Variants in CD163L1 observed in about 807,000 individuals in gnomAD.
CD163L1 encodes the protein scavenger receptor cysteine-rich type 1 protein M160.
A neutral mutation model predicts 165.4 loss-of-function variants in CD163L1; 124 were observed. The ratio of observed to expected loss-of-function variants is 0.75; its 90% CI spans 0.65 to 0.87. The LOEUF is 0.87. Ranked by LOEUF, CD163L1 falls within the 40% of genes least tolerant of loss-of-function variation. CD163L1 has a pLI of 0.00. For missense variants in CD163L1, 1,525 were observed against 1,799.9 expected, an observed-to-expected ratio of 0.85 and a Z score of 2.76; for synonymous variants, 585 against 662.2, an observed-to-expected ratio of 0.88 and a Z score of 1.79.
chr12:7,354,891 G>A (rs1946743150), downstream of CD163L1: 1 of 152,120 alleles, frequency 6.6e-6, no homozygotes, highest in South Asian at 2.1e-4. Context: ...CCATTACATT[G>A]GCAGTTAGGA....
rs766557093 is a variant in CD163L1 at position 7,432,622 on chromosome 12, T to A, written c.560A>T (p.Asn187Ile). ...GTICDDGWNLNTAAVVCRQLG... is the reference protein window; with the variant it reads ...GTICDDGWNLITAAVVCRQLG... Reference sequence around the variant, plus strand: ...TTGCCTGCACACCACGGCAGCAGTATTCAAGTTCCACCCATCATCACATAT... The same window carrying A: ...TTGCCTGCACACCACGGCAGCAGTAATCAAGTTCCACCCATCATCACATAT... Residue 187 changes from asparagine to isoleucine, a missense_variant, in exon 4 of 20, where the codon AAT becomes ATT. Coordinates refer to ENST00000313599, the MANE Select transcript of CD163L1 (RefSeq NM_174941.6). The surrounding 1 kb of genome is among the most constrained non-coding windows in gnomAD (Gnocchi z 4.2). The A allele has an allele frequency of 1.2e-6, 2 of 1,614,180 alleles. No individual in the cohort carries two copies. The highest frequency in any genetic ancestry group is 2.2e-5 in the South Asian group (2 of 91,084).
At chr12:7,435,107 T>G (rs925383482) in intron 2 of CD163L1, among the ~76,000 whole-genome samples, 17 of 152,112 alleles carry the variant, frequency 1.1e-4, no homozygotes, top group African/African-American at 3.4e-4. Flanking sequence ...CACACAGAGA[T>G]ATATTCTAAT....
the CD163L1 span, chr12:7,324,349 A>G: frequency 2.5e-6 from 4 of 1,614,048 alleles, no homozygotes; most frequent in Non-Finnish European, 3.4e-6. Context: ...ATGGACAGTG[A>G]TGGGTATTTC....
intron 5 of CD163L1, among the ~76,000 whole-genome samples, chr12:7,404,946 T>C: frequency 6.6e-6 from 1 of 152,092 alleles, no homozygotes; most frequent in East Asian, 1.9e-4. Context: ...GATTTTAAAC[T>C]GTGAAACTGT....
At chr12:7,417,048 G>A (rs1003181806) in intron 4 of CD163L1, among the ~76,000 whole-genome samples, 8 of 152,140 alleles carry the variant, frequency 5.3e-5, no homozygotes, top group East Asian at 1.9e-4. Flanking sequence ...CCCTATTTAT[G>A]AGCATGGAAT....
In CD163L1 at chr12:7,380,306, C is replaced by CAT. The variant is rs1286885431; in HGVS notation, c.2051-1009_2051-1008insAT. ...GTGTGTGTGTGTGTGTGTGTGTATA[C>CAT]ACATATACATACATATATGTATGTA... On this transcript the variant is annotated intron_variant, in intron 8 of 19. Coordinates refer to ENST00000313599, the MANE Select transcript of CD163L1 (RefSeq NM_174941.6). Among the ~76,000 whole-genome samples, 3 of 148,528 alleles carry CAT rather than the reference C, an allele frequency of 2.0e-5. No individual in the cohort carries two copies. In the East Asian group the frequency reaches 6.0e-4, roughly 30 times the overall value.
At chr12:7,429,295 T>A (rs752114309) in intron 4 of CD163L1, among the ~76,000 whole-genome samples, 3 of 152,170 alleles carry the variant, frequency 2.0e-5, no homozygotes, top group African/African-American at 7.2e-5. Context: ...TCAAAAATGT[T>A]TTAAGAATTT....
chr12:7,328,602 G>C, the CD163L1 span: 1 of 306,276 alleles, frequency 3.3e-6, no homozygotes, highest in Admixed American at 5.0e-5. Context: ...AGGTAATGAT[G>C]ATGATTTGTA....
chr12:7,430,509 C>T (rs1447652708), intron 4 of CD163L1, among the ~76,000 whole-genome samples: 3 of 152,278 alleles, frequency 2.0e-5, no homozygotes, highest in Admixed American at 6.5e-5. Flanking sequence ...CCAGTTAAAA[C>T]ATAAACATGT....
rs201858748 is a variant in CD163L1, at chr12:7,364,791, CA to C, written c.4279+2444del. ...CACTGATGAAAGAAATAGAAGAGGA[CA>C]AAAAAAAAGAAGTATATTTCATGCT... On this transcript the variant is annotated intron_variant, in intron 18 of 19. Transcript: ENST00000313599. 9.4e-5 allele frequency among the ~76,000 whole-genome samples: 14 copies of C among 148,192 alleles called. No homozygotes were observed. The East Asian group carries it at 9.8e-4, about 10-fold the overall frequency.
chr12:7,423,737 G>C (rs1948484368), intron 4 of CD163L1, among the ~76,000 whole-genome samples: 2 of 152,054 alleles, frequency 1.3e-5, no homozygotes, highest in South Asian at 2.1e-4. Flanking sequence ...AAAATATTTG[G>C]ATAAATTCCT....
chr12:7,394,947 G>A (rs899826556), intron 8 of CD163L1, among the ~76,000 whole-genome samples: 1 of 152,136 alleles, frequency 6.6e-6, no homozygotes, highest in African/African-American at 2.4e-5. Context: ...GGAAACAGTG[G>A]ATGCTGGAGA....
Position 7,368,846 on chromosome 12 carries a change from T to C in CD163L1, c.4072+87A>G. ...ATATTTCTGCAGTCCCCAGTCTTCT[T>C]TGATTATCATAGCAGTTTCTGCCCT... is the stretch of plus-strand genomic sequence containing the variant. On this transcript the variant is annotated intron_variant, in intron 16 of 19. Transcript: ENST00000313599. The surrounding 1 kb of genome is among the most constrained non-coding windows in gnomAD (Gnocchi z 4.3). 1 of 1,445,276 alleles carries C rather than the reference T, an allele frequency of 6.9e-7. No individual in the cohort carries two copies. The highest frequency in any genetic ancestry group is 9.7e-7 in the Non-Finnish European group (1 of 1,029,768). The allele number at this position is 1,445,276 out of a possible 1,614,324, so 89.5% of individuals were successfully genotyped here. A position where few individuals can be genotyped will look rare whatever the true frequency, so the allele number is the denominator to read the frequency against.
At chr12:7,327,740 A>G in the CD163L1 span, among the ~76,000 whole-genome samples, 1 of 143,802 alleles carries the variant, frequency 7.0e-6, no homozygotes, top group Admixed American at 6.8e-5. Context: ...TCACTAAATC[A>G]TTGACTAAAG....
downstream of CD163L1, among the ~76,000 whole-genome samples, chr12:7,343,555 GAAAGCA>G (rs750407847): frequency 2.0e-4 from 31 of 152,062 alleles, no homozygotes; most frequent in South Asian, 4.2e-4. Context: ...ATCATACAGA[GAAAGCA>G]AAAGCAAAAG....
chr12:7,421,024 C>CAT (rs144873633), intron 4 of CD163L1, among the ~76,000 whole-genome samples: 56,804 of 102,950 alleles, frequency 0.55, 14,944 homozygotes, highest in African/African-American at 0.56. Flanking sequence ...TATATATATA[C>CAT]ATATATATAT....
rs1947089271 is a variant in CD163L1 at position 7,369,081 on chromosome 12, G to C, written c.4040-116C>G. The C allele has an allele frequency of 8.6e-7, 1 of 1,167,352 alleles. No homozygotes were observed. The highest frequency in any genetic ancestry group is 1.2e-6 in the Non-Finnish European group (1 of 808,320). 72.3% of individuals were successfully genotyped at this position (1,167,352 alleles called of 1,614,324 possible). A position where few individuals can be genotyped will look rare whatever the true frequency, so the allele number is the denominator to read the frequency against. ...TAAATATCCTTTTAACATCTCCTGTGAATACTGGATGTCATTTAAAATATC... is the reference window on the plus strand; with the variant it reads ...TAAATATCCTTTTAACATCTCCTGTCAATACTGGATGTCATTTAAAATATC... On this transcript the variant is annotated intron_variant, in intron 15 of 19. Coordinates refer to ENST00000313599, the MANE Select transcript of CD163L1 (RefSeq NM_174941.6). This position sits in a 1 kb window ranked among gnomAD's most constrained non-coding sequence, Gnocchi z 4.9.
chr12:7,375,407 T>G lies in CD163L1; in HGVS notation c.2875A>C (p.Ser959Arg). 2 of 1,614,164 alleles carry G rather than the reference T, an allele frequency of 1.2e-6. No homozygotes were observed. The highest frequency in any genetic ancestry group is 1.7e-6 in the Non-Finnish European group (2 of 1,180,032). ...AACCTGTGTCCCCACACACGAACAC[T>G]TCTTTCTCCAATATATTTTCCTCCT... ...TTGGKYIGER[S>R]VRVWGHRFHC... The change falls in exon 11 of 20, where the codon AGT (serine) becomes CGT (arginine). Residue 959 changes from serine to arginine, a missense_variant. Transcript: ENST00000313599.
the CD163L1 span, among the ~76,000 whole-genome samples, chr12:7,334,798 G>C: frequency 2.6e-5 from 4 of 152,134 alleles, no homozygotes; most frequent in Admixed American, 1.3e-4. Context: ...CAAAGTATCA[G>C]GATACAAAAT....
Sources: gnomAD v4.1 joint callset for allele counts (sites outside exome capture counted in the v4.1 genomes callset) on GRCh38, gnomAD v4.1.1 for gene constraint, Gnocchi (gnomAD v3.1) non-coding constraint, MANE v1.5 for transcripts, NCBI Gene and HGNC (gene_info 2026-07-23, HGNC 2026-07-21) for gene names.